Variants in GDPD3 observed in about 807,000 individuals in gnomAD.
GDPD3 encodes lysophospholipase D GDPD3.
GDPD3 carries 40 observed loss-of-function variants against 43.7 expected under a neutral mutation model. That is an observed-to-expected ratio of 0.91 (90% CI 0.71 to 1.19). The LOEUF (loss-of-function observed/expected upper bound fraction) is 1.19, where lower values mean the gene tolerates loss of function less well. GDPD3 is among the 50% of genes most tolerant of loss of function. The probability of loss-of-function intolerance (pLI) is 0.00; values close to 1 mark genes in which losing one functional copy is unlikely to be tolerated. For synonymous variants in GDPD3, 145 were observed against 162.9 expected (o/e 0.89, Z 0.84); for missense variants, 363 against 415.8 (o/e 0.87, Z 1.11).
chr16:30,106,482 C>T (rs1246508241), intron 9 of GDPD3, among the ~76,000 whole-genome samples: 1 of 152,176 alleles, frequency 6.6e-6, no homozygotes, highest in Non-Finnish European at 1.5e-5. Flanking sequence ...CAGCTCTGCC[C>T]CTTCCCTGCC....
Position 30,112,252 on chromosome 16 carries a change from G to T in GDPD3, c.484-31C>A, listed in dbSNP as rs746823070. On this transcript the variant is annotated intron_variant, in intron 5 of 9. Transcript: ENST00000406256. This position sits in a 1 kb window ranked among gnomAD's most constrained non-coding sequence, Gnocchi z 5.4. ...AGGAGGAGAAGGAGGTGAAGGGAGA[G>T]CCAGGCCTCTCTCACGCCCCCGGTG... The T allele has an allele frequency of 6.2e-7, 1 of 1,613,196 alleles. No homozygotes were observed. Among genetic ancestry groups the T allele is most frequent in the Non-Finnish European group, 8.5e-7 (1 of 1,179,068 alleles).
In GDPD3 at chr16:30,113,013, TAC is replaced by T; in HGVS notation, c.182+7_182+8del. 2 of 1,612,842 alleles carry T rather than the reference TAC, an allele frequency of 1.2e-6. No homozygotes were observed. Among genetic ancestry groups the T allele is most frequent in the Non-Finnish European group, 1.7e-6 (2 of 1,179,260 alleles). ...ACATGGCAGCCTGGGCAGGGGCAGA[TAC>T]ACTCACTTCTCCATGGCCTCCATGG... On this transcript the variant is annotated splice_region_variant and intron_variant, in intron 2 of 9. Transcript: ENST00000406256. The surrounding 1 kb of genome is among the most constrained non-coding windows in gnomAD (Gnocchi z 5.9).
At chr16:30,105,573 C>T (rs1327897328) in intron 9 of GDPD3, among the ~76,000 whole-genome samples, 4 of 151,124 alleles carry the variant, frequency 2.6e-5, no homozygotes, top group East Asian at 2.0e-4. Flanking sequence ...GGCATGAACT[C>T]GGCTCACTGC....
chr16:30,111,621 AC>A, intron 6 of GDPD3, 100 bp from the exon 7 acceptor site: 1 of 1,308,620 alleles, frequency 7.6e-7, no homozygotes, highest in Middle Eastern at 2.5e-4. Flanking sequence ...CAGAGGCCCT[AC>A]TACCTGCAGG....
In GDPD3 at chr16:30,112,674, C is replaced by T. The variant is rs780854305; in HGVS notation, c.302G>A (p.Gly101Asp). 6 of 1,614,058 alleles carry T rather than the reference C, an allele frequency of 3.7e-6. No homozygotes were observed. The Admixed American group carries it at 8.3e-5, about 22-fold the overall frequency. The change falls in exon 3 of 10, where the codon GGC becomes GAC. Residue 101 changes from glycine to aspartate, a missense_variant. Transcript: ENST00000406256. The surrounding 1 kb of genome is among the most constrained non-coding windows in gnomAD (Gnocchi z 5.4). ...AGGGCCCACCTCGAAGTCCAGGCTG[C>T]CCACATCCCTGTTTAGGCCCGACTG... The part of the protein sequence containing the change: ...CRQSGLNRDV[G>D]SLDFEDLPLY...
rs2072918952 is a variant in GDPD3, at chr16:30,113,251, G to A, written c.139+89C>T. 6.7e-7 allele frequency: 1 copy of A among 1,487,816 alleles called. No individual in the cohort carries two copies. The highest frequency in any genetic ancestry group is 1.4e-5 in the African/African-American group (1 of 71,482). The allele number at this position is 1,487,816 out of a possible 1,614,324, so 92.2% of individuals were successfully genotyped here. A position where few individuals can be genotyped will look rare whatever the true frequency, so the allele number is the denominator to read the frequency against. ...TGCCACTTCGCTCTCCTTCTCTCTT[G>A]GTCCCTGCCCCGTTTCTAGCATGCC... On this transcript the variant is annotated intron_variant, in intron 1 of 9. Coordinates refer to ENST00000406256, the MANE Select transcript of GDPD3 (RefSeq NM_024307.3). The surrounding 1 kb of genome is among the most constrained non-coding windows in gnomAD (Gnocchi z 5.9).
intron 7 of GDPD3, among the ~76,000 whole-genome samples, chr16:30,109,801 G>A (rs532454483): frequency 2.2e-4 from 34 of 152,112 alleles, no homozygotes; most frequent in African/African-American, 5.5e-4. Flanking sequence ...GCAAAACTCC[G>A]TCTCAAAAAC....
rs1201911561 is a variant in GDPD3 at position 30,111,373 on chromosome 16, G to A, written c.707+15C>T. Reference sequence around the variant, plus strand: ...GCAGTGGGGAGTTTTTCTGAGGTCCGCCCCCCACTGGTACCTGTTGATGAT... The same window carrying A: ...GCAGTGGGGAGTTTTTCTGAGGTCCACCCCCCACTGGTACCTGTTGATGAT... On this transcript the variant is annotated intron_variant, in intron 7 of 9. Coordinates refer to ENST00000406256, the MANE Select transcript of GDPD3 (RefSeq NM_024307.3). 2 of 1,612,766 alleles carry A rather than the reference G, an allele frequency of 1.2e-6. No homozygotes were observed. Among genetic ancestry groups the A allele is most frequent in the African/African-American group, 1.3e-5 (1 of 74,896 alleles).
At position 30,113,419 on chromosome 16, in the gene GDPD3, G is replaced by A; in HGVS notation, c.60C>T (p.Ile20=). ...GCAGATGAGGCCGGCGCAGGAAGAA[G>A]ATGGAGAGCATGGCATAGCTGCCCA... is the stretch of plus-strand genomic sequence containing the variant. The part of the protein sequence containing the change: ...PALGSYAMLS[I]FFLRRPHLLH... Residue 20 remains isoleucine, a synonymous_variant, in exon 1 of 10, where the codon ATC becomes ATT. Coordinates refer to ENST00000406256, the MANE Select transcript of GDPD3 (RefSeq NM_024307.3). This position sits in a 1 kb window ranked among gnomAD's most constrained non-coding sequence, Gnocchi z 5.9. 1 of 1,612,178 alleles carries A rather than the reference G, an allele frequency of 6.2e-7. No homozygotes were observed. The highest frequency in any genetic ancestry group is 8.5e-7 in the Non-Finnish European group (1 of 1,178,832).
chr16:30,111,335 A>T (rs2072897023), intron 7 of GDPD3, 53 bp downstream of exon 7: 1 of 1,590,744 alleles, frequency 6.3e-7, no homozygotes. Context: ...CTCCTTCTCC[A>T]CGGAGACCCT....
chr16:30,107,610 ATTG>A (rs1171130772), intron 9 of GDPD3: 2 of 152,112 alleles, frequency 1.3e-5, no homozygotes, highest in Admixed American at 6.5e-5. Flanking sequence ...ATGATACATC[ATTG>A]TTGTCATCAT....
In GDPD3 at chr16:30,111,376, C is replaced by A; in HGVS notation, c.707+12G>T. On this transcript the variant is annotated intron_variant, in intron 7 of 9. Coordinates refer to ENST00000406256, the MANE Select transcript of GDPD3 (RefSeq NM_024307.3). ...GTGGGGAGTTTTTCTGAGGTCCGCC[C>A]CCCACTGGTACCTGTTGATGATGTT... The A allele has an allele frequency of 6.2e-7, 1 of 1,613,312 alleles. No individual in the cohort carries two copies. Among genetic ancestry groups the A allele is most frequent in the Admixed American group, 1.7e-5 (1 of 59,904 alleles).
chr16:30,107,278 T>C (rs1458260680), intron 9 of GDPD3, among the ~76,000 whole-genome samples: 1 of 152,072 alleles, frequency 6.6e-6, no homozygotes, highest in African/African-American at 2.4e-5. Context: ...GGCTAATTTT[T>C]AAATTTTTTG....
At chr16:30,106,716 T>A (rs2072863342) in intron 9 of GDPD3, among the ~76,000 whole-genome samples, 1 of 152,034 alleles carries the variant, frequency 6.6e-6, no homozygotes, top group Non-Finnish European at 1.5e-5. Context: ...TTTATTTATT[T>A]ATTTATTTTT....
rs1426830932 is a variant in GDPD3, at chr16:30,112,510, C to G, written c.364+13G>C. On this transcript the variant is annotated intron_variant, in intron 4 of 9. Coordinates refer to ENST00000406256, the MANE Select transcript of GDPD3 (RefSeq NM_024307.3). The surrounding 1 kb of genome is among the most constrained non-coding windows in gnomAD (Gnocchi z 5.4). Reference sequence around the variant, plus strand: ...GGCATGGCCCAGGCAGGGCTCGAAGCCCTTGCTCTCACCTGGAGAGAAGTA... The same window carrying G: ...GGCATGGCCCAGGCAGGGCTCGAAGGCCTTGCTCTCACCTGGAGAGAAGTA... 1 of 1,614,126 alleles carries G rather than the reference C, an allele frequency of 6.2e-7. No individual in the cohort carries two copies. Among genetic ancestry groups the G allele is most frequent in the Admixed American group, 1.7e-5 (1 of 60,010 alleles).
chr16:30,112,438 G>A lies in GDPD3; in HGVS notation c.365-14C>T, dbSNP rs2072908357. The A allele has an allele frequency of 1.2e-6, 2 of 1,614,096 alleles. No homozygotes were observed. The highest frequency in any genetic ancestry group is 4.5e-5 in the East Asian group (2 of 44,880). On this transcript the variant is annotated splice_polypyrimidine_tract_variant and intron_variant, in intron 4 of 9. Transcript: ENST00000406256. This position sits in a 1 kb window ranked among gnomAD's most constrained non-coding sequence, Gnocchi z 5.4. Reference sequence around the variant, plus strand: ...GAGCAAAGTGGCCTGGGGGTGGTGTGGGAAAAGGGGTCAGAGGGAAGCCAA... The same window carrying A: ...GAGCAAAGTGGCCTGGGGGTGGTGTAGGAAAAGGGGTCAGAGGGAAGCCAA...
chr16:30,108,477 G>T, intron 7 of GDPD3, 45 bp from the exon 8 acceptor site: 1 of 1,584,370 alleles, frequency 6.3e-7, no homozygotes, highest in Non-Finnish European at 8.7e-7. Flanking sequence ...GGTCTCCCCT[G>T]TCCCAGAGGT....
chr16:30,112,946 G>T lies in GDPD3; in HGVS notation c.182+76C>A. ...CCAGTCACCCAGCTAGGAAGTGAAT[G>T]GCGTCCCTTGCTGTGATGCAGTCCA... is the stretch of plus-strand genomic sequence containing the variant. On this transcript the variant is annotated intron_variant, in intron 2 of 9. Transcript: ENST00000406256. The surrounding 1 kb of genome is among the most constrained non-coding windows in gnomAD (Gnocchi z 5.4). 1 of 1,518,388 alleles carries T rather than the reference G, an allele frequency of 6.6e-7. No homozygotes were observed. Among genetic ancestry groups the T allele is most frequent in the Non-Finnish European group, 9.1e-7 (1 of 1,097,234 alleles). 94.1% of individuals were successfully genotyped at this position (1,518,388 alleles called of 1,614,324 possible).
rs757256273 is a variant in GDPD3 at position 30,112,232 on chromosome 16, GAGA to G, written c.484-14_484-12del. On this transcript the variant is annotated splice_polypyrimidine_tract_variant and intron_variant, in intron 5 of 9. Coordinates refer to ENST00000406256, the MANE Select transcript of GDPD3 (RefSeq NM_024307.3). This position sits in a 1 kb window ranked among gnomAD's most constrained non-coding sequence, Gnocchi z 5.4. Reference sequence around the variant, plus strand: ...CACCAAGCCTGCTATCTGGGAGGAGGAGAAGGAGGTGAAGGGAGAGCCAGGCCT... The same window carrying G: ...CACCAAGCCTGCTATCTGGGAGGAGGAGGAGGTGAAGGGAGAGCCAGGCCT... 6.2e-6 allele frequency: 10 copies of G among 1,612,854 alleles called. No homozygotes were observed. Among genetic ancestry groups the G allele is most frequent in the Middle Eastern group, 1.6e-4 (1 of 6,082 alleles).
Sources: gnomAD v4.1 joint callset for allele counts (sites outside exome capture counted in the v4.1 genomes callset) on GRCh38, gnomAD v4.1.1 for gene constraint, Gnocchi (gnomAD v3.1) non-coding constraint, MANE v1.5 for transcripts, NCBI Gene and HGNC (gene_info 2026-07-23, HGNC 2026-07-21) for gene names.